Variants in SYNE2 observed in about 807,000 individuals in gnomAD.
SYNE2 encodes the protein nesprin-2.
A neutral mutation model predicts 856.3 loss-of-function variants in SYNE2; 431 were observed. The observed-to-expected ratio is 0.50, with a 90% CI of 0.47 to 0.55. SYNE2 has a LOEUF of 0.55. SYNE2 is among the 20% of genes least tolerant of loss of function. SYNE2 has a pLI of 0.00. For missense variants in SYNE2, 8,129 were observed against 8,023.2 expected (o/e 1.01, Z -0.50); for synonymous variants, 2,923 against 2,872.3 (o/e 1.02, Z -0.56).
At chr14:64,097,003 C>T (rs1393817421) in intron 61 of SYNE2, among the ~76,000 whole-genome samples, 1 of 152,130 alleles carries the variant, frequency 6.6e-6, no homozygotes, top group Non-Finnish European at 1.5e-5. Context: ...TTCAGGAGCT[C>T]AGGCAAGTTG....
chr14:63,873,491 G>A, intron 1 of SYNE2: 1 of 152,284 alleles, frequency 6.6e-6, no homozygotes, highest in Non-Finnish European at 1.5e-5. Flanking sequence ...CGCCTCCCGG[G>A]TTCAAGCGAT....
At chr14:63,942,790 C>T (rs2884113) in intron 6 of SYNE2, among the ~76,000 whole-genome samples, 71,652 of 151,852 alleles carry the variant, frequency 0.47, 18,194 homozygotes, top group South Asian at 0.56. Flanking sequence ...CCACCATGCC[C>T]GGCCTAATTT....
At chr14:63,888,504 T>C (rs2095050700) in intron 1 of SYNE2, among the ~76,000 whole-genome samples, 1 of 152,186 alleles carries the variant, frequency 6.6e-6, no homozygotes, top group Non-Finnish European at 1.5e-5. Context: ...AGCCTCATAG[T>C]ATCACTTGCC....
chr14:63,828,108 G>T (rs894695777), intron 1 of SYNE2, among the ~76,000 whole-genome samples: 6 of 151,820 alleles, frequency 4.0e-5, no homozygotes, highest in Admixed American at 3.3e-4. Flanking sequence ...GTGGTGGGAG[G>T]ATTCCTTGAG....
At chr14:63,897,574 C>G (rs1225743452) in intron 1 of SYNE2, among the ~76,000 whole-genome samples, 1 of 152,196 alleles carries the variant, frequency 6.6e-6, no homozygotes, top group African/African-American at 2.4e-5. Context: ...AAATGAGCAT[C>G]AGGCAGATGT....
intron 1 of SYNE2, among the ~76,000 whole-genome samples, chr14:63,806,336 G>A (rs1888361238): frequency 6.6e-6 from 1 of 152,190 alleles, no homozygotes; most frequent in African/African-American, 2.4e-5. Context: ...AAGGCTACTT[G>A]ATTATGGTGG....
intron 96 of SYNE2, among the ~76,000 whole-genome samples, chr14:64,184,890 T>C (rs1423022963): frequency 6.6e-6 from 1 of 152,236 alleles, no homozygotes; most frequent in Non-Finnish European, 1.5e-5. Context: ...CATGCCAGTG[T>C]AGCTTTTAGA....
At chr14:64,081,306 G>T in intron 56 of SYNE2, 137 bp from the exon 57 acceptor site, 1 of 1,006,528 alleles carries the variant, frequency 9.9e-7, no homozygotes. Context: ...AGGTGAATAA[G>T]TAGCCCCAGC....
intron 1 of SYNE2, among the ~76,000 whole-genome samples, chr14:63,888,094 G>T (rs1439991963): frequency 6.6e-6 from 1 of 152,088 alleles, no homozygotes. Context: ...CACTTATTTA[G>T]CTGGAAGGGC....
At chr14:63,938,558 G>A (rs1202609402) in intron 2 of SYNE2, among the ~76,000 whole-genome samples, 6 of 152,140 alleles carry the variant, frequency 3.9e-5, no homozygotes, top group South Asian at 4.1e-4. Flanking sequence ...GTCTAATGAC[G>A]TGAGATTCAA....
chr14:64,012,238 G>C (rs2096852182), intron 32 of SYNE2, among the ~76,000 whole-genome samples: 1 of 152,094 alleles, frequency 6.6e-6, no homozygotes, highest in Admixed American at 6.6e-5. Flanking sequence ...CCTAGACCAA[G>C]GTTTCAGCTT....
intron 1 of SYNE2, among the ~76,000 whole-genome samples, chr14:63,867,894 GA>G (rs555280124): frequency 5.3e-5 from 8 of 151,512 alleles, no homozygotes; most frequent in Admixed American, 2.0e-4. Context: ...CCCAACTCTT[GA>G]AAAAAAATTG....
chr14:63,935,347 G>GA (rs1555385935), intron 2 of SYNE2, among the ~76,000 whole-genome samples: 1 of 152,030 alleles, frequency 6.6e-6, no homozygotes, highest in Non-Finnish European at 1.5e-5. Flanking sequence ...GATTAAAAAG[G>GA]AAAAAAATTC....
chr14:63,986,347 G>T (rs910753140), intron 18 of SYNE2, 109 bp from the exon 19 acceptor site: 1 of 1,155,420 alleles, frequency 8.7e-7, no homozygotes, highest in Non-Finnish European at 1.3e-6. Flanking sequence ...CAATCCTCCT[G>T]CCCTGGCCTC....
At chr14:63,910,899 T>C (rs2095465762) in intron 2 of SYNE2, among the ~76,000 whole-genome samples, 3 of 152,228 alleles carry the variant, frequency 2.0e-5, no homozygotes, top group Admixed American at 2.0e-4. Context: ...AGCACATGGC[T>C]GGAGTAGAAA....
chr14:64,093,480 G>A lies in SYNE2; in HGVS notation c.12108G>A (p.Gln4036=). Residue 4036 remains glutamine (Q), a splice_region_variant and synonymous_variant, in exon 61 of 116, where the codon CAG becomes CAA. Coordinates refer to ENST00000555002, the MANE Select transcript of SYNE2 (RefSeq NM_182914.3). ...AAGCTGACAAGCTGCCACAACTACA[G>A]GTATGTTTCTTTCATTCATAAAGGT... is the stretch of plus-strand genomic sequence containing the variant. The part of the protein sequence containing the change: ...PDQADKLPQL[Q]GEIERMEKQI... 6.2e-7 allele frequency: 1 copy of A among 1,614,020 alleles called. No individual in the cohort carries two copies. The highest frequency in any genetic ancestry group is 1.1e-5 in the South Asian group (1 of 91,076).
intron 27 of SYNE2, among the ~76,000 whole-genome samples, chr14:63,999,962 TGACC>T (rs1421697791): frequency 1.3e-5 from 2 of 152,210 alleles, no homozygotes; most frequent in African/African-American, 2.4e-5. Flanking sequence ...GTTTCTCCAG[TGACC>T]GAATAATGAG....
At chr14:63,929,503 G>T (rs1041512838) in intron 2 of SYNE2, among the ~76,000 whole-genome samples, 1 of 152,210 alleles carries the variant, frequency 6.6e-6, no homozygotes, top group Non-Finnish European at 1.5e-5. Context: ...AGCCGCTGTG[G>T]CTCATGCCTA....
At chr14:63,867,031 T>G (rs1486574374) in intron 1 of SYNE2, among the ~76,000 whole-genome samples, 2 of 152,228 alleles carry the variant, frequency 1.3e-5, no homozygotes, top group African/African-American at 4.8e-5. Context: ...CACCATCTCT[T>G]TGATCCTATG....
Sources: gnomAD v4.1 joint callset for allele counts (sites outside exome capture counted in the v4.1 genomes callset) on GRCh38, gnomAD v4.1.1 for gene constraint, MANE v1.5 for transcripts, NCBI Gene and HGNC (gene_info 2026-07-23, HGNC 2026-07-21) for gene names.